The following PALLD variants were observed in gnomAD, a reference collection of about 807,000 sequenced individuals.
PALLD encodes the protein palladin, cytoskeletal associated protein, also known as palladin.
Under a neutral mutation model 123.5 loss-of-function variants are expected in PALLD, and 61 were observed. The ratio of observed to expected loss-of-function variants is 0.49; its 90% confidence interval spans 0.40 to 0.61. The LOEUF (loss-of-function observed/expected upper bound fraction) is 0.61. Among genes scored for constraint, PALLD ranks in the 20% least tolerant of loss-of-function variants. The pLI, the probability that PALLD is intolerant of heterozygous loss-of-function variation, is 0.00. For synonymous variants in PALLD, 465 were observed against 496.4 expected, an observed-to-expected ratio of 0.94 and a Z score of 0.84; for missense variants, 1,273 against 1,377.0, an observed-to-expected ratio of 0.92 and a Z score of 1.20.
At chr4:168,683,154 C>T (rs767416951) in intron 5 of PALLD, 51 bp downstream of exon 5, 3 of 996,262 alleles carry the variant, frequency 3.0e-6, no homozygotes, top group Non-Finnish European at 4.8e-6. Context: ...CATCAGCAAA[C>T]TTGTGGATTT....
chr4:168,640,498 C>A (rs1274461459), intron 2 of PALLD, among the ~76,000 whole-genome samples: 1 of 152,188 alleles, frequency 6.6e-6, no homozygotes, highest in African/African-American at 2.4e-5. Flanking sequence ...AAGGCACTCA[C>A]ACAAGGTTAT....
chr4:168,629,017 A>ATT (rs550846487), intron 2 of PALLD, among the ~76,000 whole-genome samples: 3 of 139,942 alleles, frequency 2.1e-5, no homozygotes, highest in East Asian at 4.1e-4. Flanking sequence ...TGCCTATAGT[A>ATT]TTTTTTTTTT....
At chr4:168,845,099 A>T (rs1388989461) in intron 10 of PALLD, among the ~76,000 whole-genome samples, 1 of 152,078 alleles carries the variant, frequency 6.6e-6, no homozygotes, top group African/African-American at 2.4e-5. Flanking sequence ...ATGGCAGGTG[A>T]CTGGTGTGGC....
intron 2 of PALLD, among the ~76,000 whole-genome samples, chr4:168,548,464 T>C (rs1471613836): frequency 1.3e-5 from 2 of 152,204 alleles, no homozygotes; most frequent in East Asian, 1.9e-4. Flanking sequence ...TTTGAGATGA[T>C]TTTGAAGACA....
chr4:168,637,606 T>C (rs966743850), intron 2 of PALLD, among the ~76,000 whole-genome samples: 6 of 152,132 alleles, frequency 3.9e-5, no homozygotes, highest in African/African-American at 1.4e-4. Context: ...TCTTGATTTC[T>C]CATCTGTGAA....
intron 8 of PALLD, among the ~76,000 whole-genome samples, chr4:168,708,424 A>T (rs574250131): frequency 6.6e-6 from 1 of 152,332 alleles, no homozygotes; most frequent in East Asian, 1.9e-4. Flanking sequence ...GACCAAAGTC[A>T]CAAAGGCAAG....
intron 10 of PALLD, among the ~76,000 whole-genome samples, chr4:168,723,057 G>C (rs934598600): frequency 6.6e-6 from 1 of 152,218 alleles, no homozygotes; most frequent in Non-Finnish European, 1.5e-5. Context: ...AAGAATGTAA[G>C]ATGCATCTGT....
At chr4:168,589,893 T>A (rs956259309) in intron 2 of PALLD, among the ~76,000 whole-genome samples, 1 of 152,226 alleles carries the variant, frequency 6.6e-6, no homozygotes, top group African/African-American at 2.4e-5. Flanking sequence ...GCTGCCTCAT[T>A]TGGCCCCATG....
At chr4:168,715,474 A>G (rs1241516635) in intron 10 of PALLD, among the ~76,000 whole-genome samples, 1 of 152,238 alleles carries the variant, frequency 6.6e-6, no homozygotes, top group Admixed American at 6.5e-5. Flanking sequence ...GAAAGAAGCA[A>G]CACAATGCTT....
intron 2 of PALLD, among the ~76,000 whole-genome samples, chr4:168,634,077 T>C (rs1271169282): frequency 1.3e-5 from 2 of 152,240 alleles, no homozygotes; most frequent in African/African-American, 4.8e-5. Flanking sequence ...TCGGTGTCTC[T>C]TAAATTAATC....
chr4:168,822,666 G>A (rs1044665957), intron 10 of PALLD, among the ~76,000 whole-genome samples: 13 of 152,104 alleles, frequency 8.5e-5, no homozygotes, highest in Admixed American at 2.0e-4. Flanking sequence ...TTCAGTGGGC[G>A]GTTTTATTTT....
At chr4:168,627,410 T>C (rs1775404793) in intron 2 of PALLD, among the ~76,000 whole-genome samples, 1 of 152,130 alleles carries the variant, frequency 6.6e-6, no homozygotes, top group Admixed American at 6.5e-5. Context: ...CTCGGGAGGC[T>C]GATGCAGGAG....
In PALLD at chr4:168,926,440, T is replaced by TATTCCTTTG; in HGVS notation, c.*261_*269dup. On this transcript the variant is annotated 3_prime_UTR_variant, in exon 22 of 22. Transcript: ENST00000505667. ...GAAACAGCCATTGCCTTGACCAACA[T>TATTCCTTTG]ATTCCTTTGTCACATTATGTAAAAG... 7.9e-7 allele frequency: 1 copy of TATTCCTTTG among 1,264,144 alleles called. No homozygotes were observed. Among genetic ancestry groups the TATTCCTTTG allele is most frequent in the Non-Finnish European group, 1.1e-6 (1 of 899,768 alleles). The allele number at this position is 1,264,144 out of a possible 1,614,324, so 78.3% of individuals were successfully genotyped here.
intron 2 of PALLD, among the ~76,000 whole-genome samples, chr4:168,542,555 A>G (rs1271433732): frequency 6.6e-6 from 1 of 151,166 alleles, no homozygotes; most frequent in Non-Finnish European, 1.5e-5. Flanking sequence ...TTGGCACTTT[A>G]TATCAACCAC....
At chr4:168,604,281 A>T (rs1772952169) in intron 2 of PALLD, among the ~76,000 whole-genome samples, 1 of 152,256 alleles carries the variant, frequency 6.6e-6, no homozygotes, top group South Asian at 2.1e-4. Context: ...TATAGGGGCC[A>T]AGAGTAAACC....
At chr4:168,883,772 T>C (rs1752951643) in intron 10 of PALLD, among the ~76,000 whole-genome samples, 1 of 152,178 alleles carries the variant, frequency 6.6e-6, no homozygotes, top group African/African-American at 2.4e-5. Flanking sequence ...ATCAGTAATG[T>C]TTTTTGTACA....
intron 2 of PALLD, among the ~76,000 whole-genome samples, chr4:168,522,564 G>A (rs1763660448): frequency 6.6e-6 from 1 of 152,124 alleles, no homozygotes; most frequent in African/African-American, 2.4e-5. Flanking sequence ...ACCTCCTCAT[G>A]GATCACTGAA....
At chr4:168,805,999 G>A (rs529356920) in intron 10 of PALLD, among the ~76,000 whole-genome samples, 24 of 152,058 alleles carry the variant, frequency 1.6e-4, no homozygotes, top group Admixed American at 6.6e-4. Flanking sequence ...TCATGGGGGC[G>A]GACGTTCCCT....
chr4:168,652,284 A>C (rs1778131116), intron 2 of PALLD, among the ~76,000 whole-genome samples: 1 of 152,170 alleles, frequency 6.6e-6, no homozygotes, highest in South Asian at 2.1e-4. Context: ...AAATGGAGGA[A>C]GGGGTGGGAT....
Sources: gnomAD v4.1 joint callset for allele counts (sites outside exome capture counted in the v4.1 genomes callset) on GRCh38, gnomAD v4.1.1 for gene constraint, MANE v1.5 for transcripts, NCBI Gene and HGNC (gene_info 2026-07-23, HGNC 2026-07-21) for gene names.